Variants in RGS6 observed in about 807,000 individuals in gnomAD.
The protein encoded by RGS6 is regulator of G protein signaling 6.
Under a neutral mutation model 78.5 loss-of-function variants are expected in RGS6, and 30 were observed. The ratio of observed to expected loss-of-function variants is 0.38; its 90% CI spans 0.29 to 0.52. The LOEUF is 0.52. Among genes scored for constraint, RGS6 ranks in the 20% least tolerant of loss-of-function variants. The pLI is 0.85. For synonymous variants in RGS6, 206 were observed against 206.0 expected, an observed-to-expected ratio of 1.00 and a Z score of 0.00; for missense variants, 495 against 609.7, an observed-to-expected ratio of 0.81 and a Z score of 1.98.
At chr14:72,051,515 T>G (rs973416424) in intron 2 of RGS6, among the ~76,000 whole-genome samples, 2 of 152,138 alleles carry the variant, frequency 1.3e-5, no homozygotes, top group African/African-American at 2.4e-5. Flanking sequence ...GCCAATGGTA[T>G]AATTTAAGGT....
chr14:72,408,144 T>C (rs2153038234), intron 3 of RGS6, among the ~76,000 whole-genome samples: 1 of 152,218 alleles, frequency 6.6e-6, no homozygotes, highest in East Asian at 1.9e-4. Flanking sequence ...TGATAAAGAG[T>C]CCTTTTCTGT....
intron 2 of RGS6, among the ~76,000 whole-genome samples, chr14:72,080,557 C>T (rs1190506853): frequency 1.3e-5 from 2 of 151,924 alleles, no homozygotes; most frequent in African/African-American, 4.8e-5. Context: ...GCTTTTGTTG[C>T]CTGTGCTTTT....
chr14:72,014,263 T>C (rs978624369), intron 2 of RGS6, among the ~76,000 whole-genome samples: 3 of 152,230 alleles, frequency 2.0e-5, no homozygotes, highest in African/African-American at 7.2e-5. Flanking sequence ...TGCTGCTGAA[T>C]TAAAAAAGTC....
At chr14:72,229,698 G>A (rs947278899) in intron 2 of RGS6, among the ~76,000 whole-genome samples, 1 of 152,172 alleles carries the variant, frequency 6.6e-6, no homozygotes, top group Non-Finnish European at 1.5e-5. Context: ...AAACATAAAT[G>A]TACTGGCTTA....
At chr14:71,957,140 G>T (rs2092848028) in intron 1 of RGS6, among the ~76,000 whole-genome samples, 1 of 152,210 alleles carries the variant, frequency 6.6e-6, no homozygotes, top group African/African-American at 2.4e-5. Context: ...GGCTTTTCTG[G>T]TAGGTCTTTG....
rs201438362 is a variant in RGS6 at position 72,435,399 on chromosome 14, TG to T, written c.185-19128del. 6.6e-3 allele frequency among the ~76,000 whole-genome samples: 1,003 copies of T among 152,362 alleles called. 10 individuals are homozygous for T. The highest frequency in any genetic ancestry group is 0.023 in the African/African-American group (947 of 41,582). ...ACCCTGCTTTGGCTGAGCACCTTGT[TG>T]CCCAGAATTAAACACTGTTTTACCA... On this transcript the variant is annotated intron_variant, in intron 3 of 17. Coordinates refer to ENST00000553525, the MANE Select transcript of RGS6 (RefSeq NM_001204424.2).
chr14:71,896,272 C>G, the RGS6 span, among the ~76,000 whole-genome samples: 1 of 152,152 alleles, frequency 6.6e-6, no homozygotes, highest in African/African-American at 2.4e-5. Context: ...GACAGAGCAG[C>G]CCCGAGGGCT....
At chr14:72,085,014 A>G (rs1201621905) in intron 2 of RGS6, among the ~76,000 whole-genome samples, 1 of 152,204 alleles carries the variant, frequency 6.6e-6, no homozygotes, top group Non-Finnish European at 1.5e-5. Context: ...TAAGAAGACA[A>G]CCACTTTGGG....
chr14:72,446,060 A>G (rs1361821479), intron 3 of RGS6, among the ~76,000 whole-genome samples: 3 of 152,146 alleles, frequency 2.0e-5, no homozygotes, highest in African/African-American at 7.2e-5. Context: ...GAAGTTAGAG[A>G]CCAGCCTGAG....
rs2079016545 is a variant in RGS6 at position 72,350,993 on chromosome 14, C to G, written c.85-1102C>G. ...TTTGCCTCTAACAAGTTATCTATTTCTATCAAACAAGTTATTAGTCATGTG... is the reference window on the plus strand; with the variant it reads ...TTTGCCTCTAACAAGTTATCTATTTGTATCAAACAAGTTATTAGTCATGTG... On this transcript the variant is annotated intron_variant, in intron 2 of 17. Coordinates refer to ENST00000553525, the MANE Select transcript of RGS6 (RefSeq NM_001204424.2). Among the ~76,000 whole-genome samples the G allele has an allele frequency of 2.0e-5, 3 of 152,098 alleles. No individual in the cohort carries two copies. The South Asian group carries it at 6.2e-4, about 32-fold the overall frequency.
At chr14:72,260,931 G>A (rs1006252708) in intron 2 of RGS6, among the ~76,000 whole-genome samples, 1 of 152,220 alleles carries the variant, frequency 6.6e-6, no homozygotes, top group Non-Finnish European at 1.5e-5. Context: ...AGCAACATCA[G>A]GAAAGGTAGA....
At chr14:72,039,327 C>T (rs2092123067) in intron 2 of RGS6, among the ~76,000 whole-genome samples, 5 of 152,152 alleles carry the variant, frequency 3.3e-5, no homozygotes, top group Non-Finnish European at 1.5e-5. Flanking sequence ...TGAGAGTCAA[C>T]AGAGCTCAGT....
chr14:72,589,872 C>T, the RGS6 span, among the ~76,000 whole-genome samples: 1 of 152,116 alleles, frequency 6.6e-6, no homozygotes, highest in South Asian at 2.1e-4. Context: ...ATGGGGGAAA[C>T]ACAGGGTTCA....
In RGS6 at chr14:72,465,550, CTGGATGGATGGA is replaced by C. The variant is rs563552344; in HGVS notation, c.395-168_395-157del. On this transcript the variant is annotated intron_variant, in intron 6 of 17. Coordinates refer to ENST00000553525, the MANE Select transcript of RGS6 (RefSeq NM_001204424.2). Reference sequence around the variant, plus strand: ...TAGCAAGGGTGGGTGGGCGGGCTGTCTGGATGGATGGATGGATGGATGGATGGATGGATGGAT... The same window carrying C: ...TAGCAAGGGTGGGTGGGCGGGCTGTCTGGATGGATGGATGGATGGATGGAT... Among the ~76,000 whole-genome samples, 383 of 110,332 alleles carry C rather than the reference CTGGATGGATGGA, an allele frequency of 3.5e-3. 3 individuals carry two copies. The highest frequency in any genetic ancestry group is 0.014 in the African/African-American group (363 of 26,588). The allele number at this position is 110,332 out of a possible 152,430, so 72.4% of individuals were successfully genotyped here.
intron 3 of RGS6, 127 bp downstream of exon 3, chr14:72,352,321 G>A (rs536769495): frequency 3.2e-6 from 2 of 634,720 alleles, no homozygotes; most frequent in Non-Finnish European, 5.4e-6. Flanking sequence ...TGTGTTTCTT[G>A]ACTCAGGTCC....
chr14:72,441,813 G>A (rs1410124144), intron 3 of RGS6, among the ~76,000 whole-genome samples: 4 of 152,216 alleles, frequency 2.6e-5, no homozygotes, highest in Non-Finnish European at 4.4e-5. Context: ...GTGCACCATC[G>A]TTCTGCACAC....
intron 2 of RGS6, among the ~76,000 whole-genome samples, chr14:72,156,670 C>G (rs2096776747): frequency 6.6e-6 from 1 of 152,012 alleles, no homozygotes; most frequent in South Asian, 2.1e-4. Flanking sequence ...TGATAGTTCT[C>G]TAGCAAATAA....
chr14:72,166,526 G>T (rs1307830756), intron 2 of RGS6, among the ~76,000 whole-genome samples: 1 of 152,178 alleles, frequency 6.6e-6, no homozygotes, highest in African/African-American at 2.4e-5. Flanking sequence ...AGATGGAGAA[G>T]ATCTCATTAT....
chr14:72,196,550 T>C (rs913780652), intron 2 of RGS6, among the ~76,000 whole-genome samples: 2 of 152,172 alleles, frequency 1.3e-5, no homozygotes, highest in Admixed American at 1.3e-4. Flanking sequence ...CTTCTTGACA[T>C]CCGATTTTCT....
Sources: gnomAD v4.1 joint callset for allele counts (sites outside exome capture counted in the v4.1 genomes callset) on GRCh38, gnomAD v4.1.1 for gene constraint, MANE v1.5 for transcripts, NCBI Gene and HGNC (gene_info 2026-07-23, HGNC 2026-07-21) for gene names.